CCSER1: variants seen among roughly 807,000 people sequenced by gnomAD.
The protein encoded by CCSER1 is serine-rich coiled-coil domain-containing protein 1.
In CCSER1, 41 loss-of-function variants were observed where a neutral mutation model predicts 82.0. The observed-to-expected ratio is 0.50, with a 90% CI of 0.39 to 0.65. The LOEUF (loss-of-function observed/expected upper bound fraction) is 0.65, where lower values mean the gene tolerates loss of function less well. CCSER1 is among the 30% of genes least tolerant of loss of function. CCSER1 has a pLI of 0.00. For missense variants in CCSER1, 1,119 were observed against 1,064.2 expected (o/e 1.05, Z -0.72); for synonymous variants, 414 against 383.9 (o/e 1.08, Z -0.92).
At chr4:91,140,698 C>G (rs1253191237) in intron 10 of CCSER1, among the ~76,000 whole-genome samples, 2 of 152,116 alleles carry the variant, frequency 1.3e-5, no homozygotes, top group Non-Finnish European at 2.9e-5. Flanking sequence ...CATGTTTTTT[C>G]ACTGATTGCT....
chr4:90,301,622 A>G (rs1196035350), intron 1 of CCSER1, among the ~76,000 whole-genome samples: 1 of 152,154 alleles, frequency 6.6e-6, no homozygotes. Context: ...AAAATAAAAT[A>G]ACGTTTATGG....
intron 1 of CCSER1, among the ~76,000 whole-genome samples, chr4:90,139,213 A>G (rs1436198245): frequency 6.6e-6 from 1 of 152,190 alleles, no homozygotes; most frequent in African/African-American, 2.4e-5. Context: ...TATTTACATA[A>G]AAGATATCCT....
At chr4:91,157,835 A>G (rs567667759) in intron 10 of CCSER1, among the ~76,000 whole-genome samples, 1 of 152,158 alleles carries the variant, frequency 6.6e-6, no homozygotes, top group South Asian at 2.1e-4. Flanking sequence ...TTGATTGTCC[A>G]TGCTCCTTTT....
At chr4:90,478,003 A>C (rs1286405926) in intron 5 of CCSER1, among the ~76,000 whole-genome samples, 3 of 152,180 alleles carry the variant, frequency 2.0e-5, no homozygotes, top group Non-Finnish European at 2.9e-5. Flanking sequence ...CTTGAAGTCT[A>C]GAAACCTGAT....
In CCSER1 at chr4:91,268,642, A is replaced by T. The variant is rs1351976859; in HGVS notation, c.2217+182648A>T. Among the ~76,000 whole-genome samples the T allele has an allele frequency of 2.6e-5, 4 of 152,310 alleles. No individual in the cohort carries two copies. The East Asian group carries it at 7.7e-4, about 29-fold the overall frequency. The stretch of plus-strand genomic sequence containing the variant: ...TGGGTGCAGGCTGGCTGAGTCCGTA[A>T]AGACAGTCAGCAAAGGGAGATAGGG... On this transcript the variant is annotated intron_variant, in intron 10 of 10. Transcript: ENST00000509176.
At chr4:91,390,809 C>T (rs977401487) in intron 10 of CCSER1, among the ~76,000 whole-genome samples, 13 of 151,764 alleles carry the variant, frequency 8.6e-5, no homozygotes, top group Admixed American at 2.0e-4. Flanking sequence ...TGAGTTTTGG[C>T]GGATTATGTT....
At chr4:90,178,522 A>G (rs1335090682) in intron 1 of CCSER1, among the ~76,000 whole-genome samples, 3 of 152,094 alleles carry the variant, frequency 2.0e-5, no homozygotes, top group African/African-American at 7.2e-5. Context: ...GAAGTTCCAA[A>G]TGTGACATTT....
At chr4:91,344,105 G>T (rs1170393859) in intron 10 of CCSER1, among the ~76,000 whole-genome samples, 3 of 152,132 alleles carry the variant, frequency 2.0e-5, no homozygotes, top group Non-Finnish European at 4.4e-5. Context: ...ATTAAGAAGT[G>T]GGGCCTTTAG....
chr4:90,765,738 A>G (rs2149537807), intron 7 of CCSER1, among the ~76,000 whole-genome samples: 1 of 152,332 alleles, frequency 6.6e-6, no homozygotes, highest in Middle Eastern at 3.4e-3. Context: ...CAAAGAAAAT[A>G]TACAATGATA....
At chr4:90,901,101 A>G (rs1359367151) in intron 8 of CCSER1, among the ~76,000 whole-genome samples, 1 of 151,998 alleles carries the variant, frequency 6.6e-6, no homozygotes, top group East Asian at 1.9e-4. Flanking sequence ...TGATACTAAA[A>G]TAGCAACCCC....
At chr4:90,646,292 T>C (rs1727589093) in intron 6 of CCSER1, among the ~76,000 whole-genome samples, 2 of 152,106 alleles carry the variant, frequency 1.3e-5, no homozygotes, top group African/African-American at 4.8e-5. Flanking sequence ...AGAATGAAAG[T>C]GATACCAGGA....
intron 5 of CCSER1, among the ~76,000 whole-genome samples, chr4:90,478,731 CTTTTTT>C (rs59376887): frequency 3.8e-5 from 5 of 133,252 alleles, no homozygotes; most frequent in East Asian, 2.2e-4. Flanking sequence ...TTCTTTCTTT[CTTTTTT>C]TTTTTTTTTT....
chr4:91,402,020 T>A (rs1300598719), intron 10 of CCSER1, among the ~76,000 whole-genome samples: 2 of 152,182 alleles, frequency 1.3e-5, no homozygotes, highest in Non-Finnish European at 2.9e-5. Context: ...CCACCAACAG[T>A]GTAAAAGTGT....
intron 7 of CCSER1, among the ~76,000 whole-genome samples, chr4:90,735,891 T>G (rs1467198771): frequency 1.3e-5 from 2 of 152,136 alleles, no homozygotes; most frequent in African/African-American, 4.8e-5. Context: ...CTCATAGGTT[T>G]GGGTATGTTG....
Position 90,749,797 on chromosome 4 carries a change from G to A in CCSER1, c.2010+25806G>A, listed in dbSNP as rs992731750. The stretch of plus-strand genomic sequence containing the variant: ...AGCAGCATGATTTACAGTCCTTTGG[G>A]TATATACCCAGTAATGGGATGGCTG... On this transcript the variant is annotated intron_variant, in intron 7 of 10. Coordinates refer to ENST00000509176, the MANE Select transcript of CCSER1 (RefSeq NM_001145065.2). 7.6e-4 allele frequency among the ~76,000 whole-genome samples: 115 copies of A among 151,918 alleles called. 1 individual carries two copies. The highest frequency in any genetic ancestry group is 2.3e-3 in the Admixed American group (35 of 15,242).
intron 10 of CCSER1, among the ~76,000 whole-genome samples, chr4:91,538,107 G>T (rs1053825188): frequency 5.9e-5 from 9 of 151,990 alleles, no homozygotes; most frequent in Admixed American, 5.3e-4. Context: ...ATGCAGGAAA[G>T]ATAATAGTCT....
At chr4:90,250,468 A>G (rs1237534536) in intron 1 of CCSER1, among the ~76,000 whole-genome samples, 1 of 152,018 alleles carries the variant, frequency 6.6e-6, no homozygotes, top group Non-Finnish European at 1.5e-5. Flanking sequence ...TGATGAAAAG[A>G]CAATTCTTTC....
At chr4:90,271,860 ATATTTTT>A (rs1438183056) in intron 1 of CCSER1, among the ~76,000 whole-genome samples, 5 of 22,236 alleles carry the variant, frequency 2.2e-4, no homozygotes, top group Non-Finnish European at 3.2e-4. Context: ...ATATATATAT[ATATTTTT>A]TTTTTTTTTT....
At chr4:90,426,235 T>C (rs1443249154) in intron 4 of CCSER1, among the ~76,000 whole-genome samples, 1 of 152,234 alleles carries the variant, frequency 6.6e-6, no homozygotes, top group Non-Finnish European at 1.5e-5. Flanking sequence ...TGAAATGATC[T>C]CTCTTCATTT....
Sources: gnomAD v4.1 joint callset for allele counts (sites outside exome capture counted in the v4.1 genomes callset) on GRCh38, gnomAD v4.1.1 for gene constraint, MANE v1.5 for transcripts, NCBI Gene and HGNC (gene_info 2026-07-23, HGNC 2026-07-21) for gene names.